KHSRP: variants seen among roughly 807,000 people sequenced by gnomAD.
The protein encoded by KHSRP is far upstream element-binding protein 2.
In KHSRP, 13 loss-of-function variants were observed where a neutral mutation model predicts 94.9. The observed-to-expected ratio is 0.14, with a 90% CI of 0.09 to 0.22. KHSRP has a LOEUF of 0.22. KHSRP is among the 10% of genes least tolerant of loss of function. KHSRP has a pLI of 1.00. For missense variants in KHSRP, 710 were observed against 1,010.0 expected (o/e 0.70, Z 4.03); for synonymous variants, 495 against 401.4 (o/e 1.23, Z -2.79).
rs1289102523 is a variant in KHSRP, at chr19:6,413,685, C to T, written c.*1339G>A. Reference sequence around the variant, plus strand: ...AAGTTTATTTTAAAAACAAGAGGGCCGAGGGTGGGAGAAAATGAATTGCTT... The same window carrying T: ...AAGTTTATTTTAAAAACAAGAGGGCTGAGGGTGGGAGAAAATGAATTGCTT... On this transcript the variant is annotated 3_prime_UTR_variant, in exon 19 of 19. Transcript: ENST00000600480. 4.5e-5 allele frequency: 7 copies of T among 156,908 alleles called. No individual in the cohort carries two copies. The highest frequency in any genetic ancestry group is 1.9e-4 in the East Asian group (1 of 5,256). The allele number at this position is 156,908 out of a possible 1,614,324, so 9.7% of individuals were successfully genotyped here.
chr19:6,416,170 A>T, intron 15 of KHSRP, 128 bp downstream of exon 15: 1 of 721,664 alleles, frequency 1.4e-6, no homozygotes, highest in Non-Finnish European at 2.3e-6. Context: ...TGTTGATGGT[A>T]TCCACAAAAA....
Position 6,415,025 on chromosome 19 carries a change from C to T in KHSRP, c.2243G>A (p.Ter748=), listed in dbSNP as rs1160828926. The T allele has an allele frequency of 1.3e-6, 2 of 1,490,106 alleles. No individual in the cohort carries two copies. Among genetic ancestry groups the T allele is most frequent in the Admixed American group, 4.9e-5 (2 of 40,424 alleles). The allele number at this position is 1,490,106 out of a possible 1,614,324, so 92.3% of individuals were successfully genotyped here. A position where few individuals can be genotyped will look rare whatever the true frequency, so the allele number is the denominator to read the frequency against. ...GNPFPCGVCP[*] The stretch of plus-strand genomic sequence containing the variant: ...GCCACACGGCCCCCGCTGCAGGCAT[C>T]AAGGGCACACCCCGCAGGGGAAGGG... Residue 748 remains the stop codon, a stop_retained_variant, in exon 19 of 19, where the codon TGA becomes TAA. Coordinates refer to ENST00000600480, the MANE Select transcript of KHSRP (RefSeq NM_001366299.1).
chr19:6,415,113 G>A lies in KHSRP; in HGVS notation c.2155C>T (p.Pro719Ser). Residue 719 changes from proline (P) to serine (S), a missense_variant, in exon 19 of 19, where the codon CCT becomes TCT. Physicochemically the swap from Pro to Ser is moderately conservative, Grantham distance 74 (BLOSUM62 -1). This residue lies in a region of KHSRP where 292 missense variants were observed against 340.5 expected (regional missense o/e 0.86). Coordinates refer to ENST00000600480, the MANE Select transcript of KHSRP (RefSeq NM_001366299.1). ...GCCGGGGGTTGGAAGGAGAAAGGAG[G>A]AGGAGGAGGGTGGCAATTCCCACTT... ...QASGNCHPPPPPFSFQPPATV... is the reference protein window; with the variant it reads ...QASGNCHPPPSPFSFQPPATV... The A allele has an allele frequency of 1.3e-6, 2 of 1,597,284 alleles. No homozygotes were observed. Among genetic ancestry groups the A allele is most frequent in the Non-Finnish European group, 1.7e-6 (2 of 1,178,182 alleles).
chr19:6,418,594 G>A lies in KHSRP; in HGVS notation c.781-13C>T, dbSNP rs375397564. ...CTCCAGCGCGTTCCTTTACAAGCAAGGTTAACCGTTAGTGCTGGGCTCTCC... is the reference window on the plus strand; with the variant it reads ...CTCCAGCGCGTTCCTTTACAAGCAAAGTTAACCGTTAGTGCTGGGCTCTCC... On this transcript the variant is annotated splice_polypyrimidine_tract_variant and intron_variant, in intron 8 of 18. Coordinates refer to ENST00000600480, the MANE Select transcript of KHSRP (RefSeq NM_001366299.1). This position sits in a 1 kb window ranked among gnomAD's most constrained non-coding sequence, Gnocchi z 4.3. 7 of 1,613,514 alleles carry A rather than the reference G, an allele frequency of 4.3e-6. No homozygotes were observed. Among genetic ancestry groups the A allele is most frequent in the Non-Finnish European group, 5.1e-6 (6 of 1,179,548 alleles).
chr19:6,414,785 T>C lies in KHSRP; in HGVS notation c.*239A>G. On this transcript the variant is annotated 3_prime_UTR_variant, in exon 19 of 19. Coordinates refer to ENST00000600480, the MANE Select transcript of KHSRP (RefSeq NM_001366299.1). ...CCAAGTGGCCAGATTGTGAGCGAGG[T>C]GGTGGCGGCCGGGCCGGTGCCCACC... 8.8e-7 allele frequency: 1 copy of C among 1,141,342 alleles called. No individual in the cohort carries two copies. Among genetic ancestry groups the C allele is most frequent in the Non-Finnish European group, 1.1e-6 (1 of 929,408 alleles). 70.7% of individuals were successfully genotyped at this position (1,141,342 alleles called of 1,614,324 possible).
chr19:6,415,074 C>A lies in KHSRP; in HGVS notation c.2194G>T (p.Ala732Ser). 1.3e-6 allele frequency: 2 copies of A among 1,586,808 alleles called. No homozygotes were observed. The highest frequency in any genetic ancestry group is 1.7e-6 in the Non-Finnish European group (2 of 1,174,328). Reference sequence around the variant, plus strand: ...GGGTTTCCGGCGCTACCCACTAAGGCAGGATGGACGGTGGCCGGGGGTTGG... The same window carrying A: ...GGGTTTCCGGCGCTACCCACTAAGGAAGGATGGACGGTGGCCGGGGGTTGG... ...SFQPPATVHP[A>S]LVGSAGNPFP... The change falls in exon 19 of 19, where the codon GCC (alanine) becomes TCC (serine). Residue 732 changes from alanine (A) to serine (S), a missense_variant. This residue lies in a region of KHSRP where 292 missense variants were observed against 340.5 expected (regional missense o/e 0.86). Transcript: ENST00000600480.
chr19:6,414,170 G>T lies in KHSRP; in HGVS notation c.*854C>A. The T allele has an allele frequency of 1.3e-6, 2 of 1,594,942 alleles. No homozygotes were observed. The highest frequency in any genetic ancestry group is 1.7e-6 in the Non-Finnish European group (2 of 1,169,666). ...TTGGTCACTACGGGGAGGGAAGGGT[G>T]GGAGACTAGGGGGCGGAAGAGAGGA... On this transcript the variant is annotated 3_prime_UTR_variant, in exon 19 of 19. Coordinates refer to ENST00000600480, the MANE Select transcript of KHSRP (RefSeq NM_001366299.1).
At chr19:6,416,462 C>T in intron 14 of KHSRP, 28 bp downstream of exon 14, 1 of 1,612,386 alleles carries the variant, frequency 6.2e-7, no homozygotes, top group Non-Finnish European at 8.5e-7. Context: ...GCTGTGAGAC[C>T]AAATCCCCAG....
rs754689300 is a variant in KHSRP at position 6,418,585 on chromosome 19, T to C, written c.781-4A>G. ...TCATCTTCACTCCAGCGCGTTCCTT[T>C]ACAAGCAAGGTTAACCGTTAGTGCT... On this transcript the variant is annotated splice_polypyrimidine_tract_variant and splice_region_variant and intron_variant, in intron 8 of 18. Coordinates refer to ENST00000600480, the MANE Select transcript of KHSRP (RefSeq NM_001366299.1). The surrounding 1 kb of genome is among the most constrained non-coding windows in gnomAD (Gnocchi z 4.3). 1.2e-5 allele frequency: 20 copies of C among 1,613,918 alleles called. 1 individual carries two copies. In the Middle Eastern group the frequency reaches 4.9e-4, roughly 40 times the overall value.
In KHSRP at chr19:6,421,298, T is replaced by A. The variant is rs1300590930; in HGVS notation, c.405A>T (p.Gly135=). 6.3e-7 allele frequency: 1 copy of A among 1,590,444 alleles called. No individual in the cohort carries two copies. Among genetic ancestry groups the A allele is most frequent in the Non-Finnish European group, 8.6e-7 (1 of 1,168,776 alleles). Residue 135 remains glycine (G), a synonymous_variant, in exon 4 of 19, where the codon GGA becomes GGT. Coordinates refer to ENST00000600480, the MANE Select transcript of KHSRP (RefSeq NM_001366299.1). The part of the protein sequence containing the change: ...SQGDSISSQL[G]PIHPPPRTSM... Reference sequence around the variant, plus strand: ...CTTACCTTGGGGGAGGATGGATGGGTCCAAGTTGAGAACTGATTGCTGTAG... The same window carrying A: ...CTTACCTTGGGGGAGGATGGATGGGACCAAGTTGAGAACTGATTGCTGTAG...
chr19:6,418,103 C>G lies in KHSRP; in HGVS notation c.880-24G>C. The G allele has an allele frequency of 3.1e-6, 5 of 1,606,756 alleles. No homozygotes were observed. The highest frequency in any genetic ancestry group is 1.7e-4 in the Middle Eastern group (1 of 6,050). On this transcript the variant is annotated intron_variant, in intron 9 of 18. Transcript: ENST00000600480. The surrounding 1 kb of genome is among the most constrained non-coding windows in gnomAD (Gnocchi z 4.3). ...TGCTGCAAACACACAGGAAGCAGCC[C>G]CCATGGGTGAGCCCTGCTGCCCCAC...
chr19:6,423,035 T>G (rs1343273654), intron 1 of KHSRP, among the ~76,000 whole-genome samples: 1 of 152,162 alleles, frequency 6.6e-6, no homozygotes, highest in Non-Finnish European at 1.5e-5. Flanking sequence ...ATCCCAGCAT[T>G]TTGGGAGGCC....
In KHSRP at chr19:6,418,052, G is replaced by A; in HGVS notation, c.907C>T (p.Leu303Phe). 1 of 1,613,950 alleles carries A rather than the reference G, an allele frequency of 6.2e-7. No homozygotes were observed. The highest frequency in any genetic ancestry group is 8.5e-7 in the Non-Finnish European group (1 of 1,179,864). ...AAGCCGCCTTGGTCACGTTCCCGGA[G>A]GATGTCCATCACCATCTCACAGGCT... The part of the protein sequence containing the change: ...QQACEMVMDI[L>F]RERDQGGFGD... The change falls in exon 10 of 19, where the codon CTC becomes TTC. Residue 303 changes from leucine to phenylalanine, a missense_variant. By Grantham distance (22) the Leu-to-Phe change is conservative (BLOSUM62 0). Transcript: ENST00000600480. This position sits in a 1 kb window ranked among gnomAD's most constrained non-coding sequence, Gnocchi z 4.3.
chr19:6,415,198 T>G lies in KHSRP; in HGVS notation c.2070A>C (p.Gly690=). ...EYYRQQAAYY[G]QTPGPGGPQP... is the part of the protein sequence containing the mutation. Reference sequence around the variant, plus strand: ...GGGGGCCGCCAGGACCTGGGGTCTGTCCGTAGTAAGCGGCCTGCTGTCTGT... The same window carrying G: ...GGGGGCCGCCAGGACCTGGGGTCTGGCCGTAGTAAGCGGCCTGCTGTCTGT... The change falls in exon 19 of 19, where the codon GGA becomes GGC. Residue 690 remains glycine (G), a synonymous_variant. Coordinates refer to ENST00000600480, the MANE Select transcript of KHSRP (RefSeq NM_001366299.1). The G allele has an allele frequency of 6.2e-7, 1 of 1,611,806 alleles. No individual in the cohort carries two copies. Among genetic ancestry groups the G allele is most frequent in the Non-Finnish European group, 8.5e-7 (1 of 1,179,790 alleles).
At chr19:6,421,504 G>A in intron 3 of KHSRP, 146 bp downstream of exon 3, 1 of 1,055,720 alleles carries the variant, frequency 9.5e-7, no homozygotes, top group Non-Finnish European at 1.4e-6. Context: ...CAGGGTTCCT[G>A]GGATCCCTCA....
rs1568339176 is a variant in KHSRP, at chr19:6,413,143, A to AG, written c.*1880_*1881insC. 0.019 allele frequency among the ~76,000 whole-genome samples: 1,638 copies of AG among 85,348 alleles called. 33 individuals carry two copies. Among genetic ancestry groups the AG allele is most frequent in the African/African-American group, 0.03 (794 of 26,074 alleles). 56.0% of individuals were successfully genotyped at this position (85,348 alleles called of 152,430 possible). ...AGCACTTTATTTAACAAAAAAAAAA[A>AG]AGGGGGGGGGGCACGGTTAGGAAAG... On this transcript the variant is annotated 3_prime_UTR_variant, in exon 19 of 19. Transcript: ENST00000600480.
In KHSRP at chr19:6,413,225, A is replaced by C. The variant is rs933918519; in HGVS notation, c.*1799T>G. On this transcript the variant is annotated 3_prime_UTR_variant, in exon 19 of 19. Coordinates refer to ENST00000600480, the MANE Select transcript of KHSRP (RefSeq NM_001366299.1). ...TTTTCTTAAAAAAAAAAAAACACAA[A>C]GTTTGTAAATTTCAATCACCATTAT... 3 of 156,096 alleles carry C rather than the reference A, an allele frequency of 1.9e-5. No homozygotes were observed. Among genetic ancestry groups the C allele is most frequent in the African/African-American group, 7.3e-5 (3 of 41,144 alleles). 9.7% of individuals were successfully genotyped at this position (156,096 alleles called of 1,614,324 possible).
In KHSRP at chr19:6,418,933, T is replaced by C. The variant is rs1456805338; in HGVS notation, c.606-57A>G. On this transcript the variant is annotated intron_variant, in intron 7 of 18. Transcript: ENST00000600480. The surrounding 1 kb of genome is among the most constrained non-coding windows in gnomAD (Gnocchi z 4.3). ...TGCCACCGCTGGAGAAAGGTACTGG[T>C]CTGGTGGCCCACCCAGCTCAAAGGG... is the stretch of plus-strand genomic sequence containing the variant. 2.0e-6 allele frequency: 3 copies of C among 1,476,546 alleles called. No homozygotes were observed. The highest frequency in any genetic ancestry group is 2.5e-5 in the Admixed American group (1 of 39,398). The allele number at this position is 1,476,546 out of a possible 1,614,324, so 91.5% of individuals were successfully genotyped here. A position where few individuals can be genotyped will look rare whatever the true frequency, so the allele number is the denominator to read the frequency against.
intron 2 of KHSRP, 127 bp from the exon 3 acceptor site, chr19:6,421,815 A>C: frequency 9.5e-7 from 1 of 1,050,588 alleles, no homozygotes. Flanking sequence ...GAGCTGAGAC[A>C]GGAGCCCAGG....
Sources: allele counts gnomAD v4.1 joint callset (sites outside exome capture counted in the v4.1 genomes callset), GRCh38; gene constraint gnomAD v4.1.1; regional missense constraint gnomAD v4.1.1; non-coding constraint Gnocchi (gnomAD v3.1); transcripts MANE v1.5; gene names NCBI Gene and HGNC (gene_info 2026-07-23, HGNC 2026-07-21).